Variants in APBB1IP observed in about 807,000 individuals in gnomAD.
APBB1IP encodes the protein amyloid beta precursor protein binding family B member 1 interacting protein.
APBB1IP carries 27 observed loss-of-function variants against 64.9 expected under a neutral mutation model. That is an observed-to-expected ratio of 0.42 (90% CI 0.31 to 0.57). The LOEUF is 0.57. Among genes scored for constraint, APBB1IP ranks in the 20% least tolerant of loss-of-function variants. The pLI is 0.20. For synonymous variants in APBB1IP, 392 were observed against 331.0 expected, an observed-to-expected ratio of 1.18 and a Z score of -2.00; for missense variants, 812 against 845.5, an observed-to-expected ratio of 0.96 and a Z score of 0.49.
At chr10:26,527,995 C>T (rs1020462811) in intron 8 of APBB1IP, among the ~76,000 whole-genome samples, 7 of 152,168 alleles carry the variant, frequency 4.6e-5, no homozygotes, top group South Asian at 4.1e-4. Flanking sequence ...CCTGGCCCCA[C>T]GCCTCTCTTA....
Position 26,567,244 on chromosome 10 carries a change from C to T in APBB1IP, c.1757C>T (p.Pro586Leu). 5 of 1,331,790 alleles carry T rather than the reference C, an allele frequency of 3.8e-6. No homozygotes were observed. The highest frequency in any genetic ancestry group is 4.8e-6 in the Non-Finnish European group (5 of 1,040,712). The allele number at this position is 1,331,790 out of a possible 1,614,324, so 82.5% of individuals were successfully genotyped here. ...CCGCCCCCAGACTTCGTGCCCCCGC[C>T]CCCGCCGTCGTACGCAGGGATCGCG... The part of the protein sequence containing the change: ...MEPPPDFVPP[P>L]PPSYAGIAGS... Residue 586 changes from proline (P) to leucine (L), a missense_variant, in exon 15 of 15, where the codon CCC (proline) becomes CTC (leucine). By Grantham distance (98) the Pro-to-Leu change is moderately conservative. Coordinates refer to ENST00000376236, the MANE Select transcript of APBB1IP (RefSeq NM_019043.4).
chr10:26,494,594 G>A (rs1205745849), intron 3 of APBB1IP, among the ~76,000 whole-genome samples: 5 of 152,256 alleles, frequency 3.3e-5, no homozygotes, highest in Admixed American at 6.5e-5. Flanking sequence ...TTGGGAGGCC[G>A]AGGTGAGTGG....
At chr10:26,503,041 C>T (rs112496589) in intron 5 of APBB1IP, among the ~76,000 whole-genome samples, 156 bp from the exon 6 acceptor site, 2 of 152,100 alleles carry the variant, frequency 1.3e-5, no homozygotes, top group Middle Eastern at 3.2e-3. Context: ...ACTTTGTATG[C>T]CTTTAAAAAG....
intron 8 of APBB1IP, among the ~76,000 whole-genome samples, chr10:26,527,463 T>C (rs960035243): frequency 3.3e-5 from 5 of 151,600 alleles, no homozygotes; most frequent in African/African-American, 1.2e-4. Context: ...GGGAGGATCA[T>C]TTGAGCTCAG....
At chr10:26,514,314 G>A (rs913532807) in intron 8 of APBB1IP, among the ~76,000 whole-genome samples, 1 of 151,864 alleles carries the variant, frequency 6.6e-6, no homozygotes, top group Non-Finnish European at 1.5e-5. Flanking sequence ...GGTTCTTCCT[G>A]CTTCTTGCTT....
At chr10:26,558,570 C>T (rs890938559) in intron 11 of APBB1IP, among the ~76,000 whole-genome samples, 3 of 149,556 alleles carry the variant, frequency 2.0e-5, no homozygotes, top group South Asian at 2.1e-4. Context: ...CACTTGAGCC[C>T]GGGGTTTCAG....
chr10:26,461,636 G>A (rs1835593679), intron 2 of APBB1IP, among the ~76,000 whole-genome samples: 1 of 151,652 alleles, frequency 6.6e-6, no homozygotes, highest in Non-Finnish European at 1.5e-5. Flanking sequence ...AATTGAAGTT[G>A]CAAAAAGTTT....
chr10:26,450,268 C>A (rs931692392), intron 2 of APBB1IP, among the ~76,000 whole-genome samples: 1 of 152,128 alleles, frequency 6.6e-6, no homozygotes, highest in Non-Finnish European at 1.5e-5. Flanking sequence ...ATGTAGCATG[C>A]GCTCAAAAAT....
Position 26,567,492 on chromosome 10 carries a change from C to A in APBB1IP, c.*4C>A, listed in dbSNP as rs1483149479. The stretch of plus-strand genomic sequence containing the variant: ...GAAGAGAGGCAACGTGTCCTAGGGA[C>A]GGGCATGATGAGTGTTCCAGAGGGA... On this transcript the variant is annotated 3_prime_UTR_variant, in exon 15 of 15. Transcript: ENST00000376236. 1.9e-6 allele frequency: 3 copies of A among 1,563,794 alleles called. No individual in the cohort carries two copies. The highest frequency in any genetic ancestry group is 2.4e-5 in the East Asian group (1 of 41,472).
At chr10:26,515,392 A>G (rs1353100107) in intron 8 of APBB1IP, among the ~76,000 whole-genome samples, 5 of 152,188 alleles carry the variant, frequency 3.3e-5, no homozygotes, top group African/African-American at 7.2e-5. Flanking sequence ...CCGCCTCACC[A>G]TTTTCCAGTC....
intron 2 of APBB1IP, among the ~76,000 whole-genome samples, chr10:26,445,369 G>C (rs1835385310): frequency 6.6e-6 from 1 of 152,166 alleles, no homozygotes; most frequent in Non-Finnish European, 1.5e-5. Context: ...TTTTTGAGAA[G>C]TGGAAAGCAA....
chr10:26,481,930 A>C (rs805022), intron 2 of APBB1IP, among the ~76,000 whole-genome samples: 9,099 of 151,554 alleles, frequency 0.06, 899 homozygotes, highest in African/African-American at 0.21. Context: ...AAATTACTGA[A>C]ATAAATCATT....
chr10:26,503,032 C>T (rs1836125956), intron 5 of APBB1IP, among the ~76,000 whole-genome samples, 165 bp from the exon 6 acceptor site: 1 of 152,190 alleles, frequency 6.6e-6, no homozygotes, highest in South Asian at 2.1e-4. Flanking sequence ...AATTATTACA[C>T]TTTGTATGCC....
At chr10:26,533,645 G>A in intron 9 of APBB1IP, 120 bp downstream of exon 9, 1 of 521,796 alleles carries the variant, frequency 1.9e-6, no homozygotes, top group South Asian at 4.5e-5. Flanking sequence ...AAGTTGGGGT[G>A]TTAAAATCAA....
At chr10:26,530,590 T>C (rs974929055) in intron 8 of APBB1IP, among the ~76,000 whole-genome samples, 13 of 151,684 alleles carry the variant, frequency 8.6e-5, no homozygotes, top group Non-Finnish European at 1.8e-4. Flanking sequence ...CTCGGGAGGC[T>C]GAGGCAGGAG....
At chr10:26,490,446 G>A (rs1233255118) in intron 2 of APBB1IP, among the ~76,000 whole-genome samples, 1 of 152,058 alleles carries the variant, frequency 6.6e-6, no homozygotes, top group African/African-American at 2.4e-5. Flanking sequence ...CCAACATGGC[G>A]AAACCCCGTC....
chr10:26,451,503 A>T (rs749299130), intron 2 of APBB1IP, among the ~76,000 whole-genome samples: 1 of 152,230 alleles, frequency 6.6e-6, no homozygotes, highest in Non-Finnish European at 1.5e-5. Flanking sequence ...GGCACCTTGG[A>T]TTTTGTAAAT....
chr10:26,496,597 A>C (rs900474923), intron 4 of APBB1IP, among the ~76,000 whole-genome samples: 5 of 152,100 alleles, frequency 3.3e-5, no homozygotes, highest in African/African-American at 9.7e-5. Flanking sequence ...ATGAAAGGGA[A>C]CACCATTCTG....
chr10:26,487,618 A>T lies in APBB1IP; in HGVS notation c.1-4709A>T, dbSNP rs575571270. 5.3e-5 allele frequency among the ~76,000 whole-genome samples: 8 copies of T among 152,254 alleles called. No individual in the cohort carries two copies. The South Asian group carries it at 1.7e-3, about 32-fold the overall frequency. ...GGGCAGGGGGAAAGATTTTCACCAG[A>T]TGAATGCAGGGAGAGGTCACGAGAA... is the stretch of plus-strand genomic sequence containing the variant. On this transcript the variant is annotated intron_variant, in intron 2 of 14. Coordinates refer to ENST00000376236, the MANE Select transcript of APBB1IP (RefSeq NM_019043.4).
Sources: gnomAD v4.1 joint callset for allele counts (sites outside exome capture counted in the v4.1 genomes callset) on GRCh38, gnomAD v4.1.1 for gene constraint, MANE v1.5 for transcripts, NCBI Gene and HGNC (gene_info 2026-07-23, HGNC 2026-07-21) for gene names.